TMEM232: variants seen among roughly 807,000 people sequenced by gnomAD.
The protein encoded by TMEM232 is transmembrane protein 232.
Under a neutral mutation model 78.8 loss-of-function variants are expected in TMEM232, and 80 were observed. The observed-to-expected ratio is 1.01, with a 90% CI of 0.85 to 1.22. The LOEUF (loss-of-function observed/expected upper bound fraction) is 1.22. TMEM232 is among the 50% of genes most tolerant of loss of function. TMEM232 has a pLI of 0.00. For missense variants in TMEM232, 881 were observed against 742.2 expected, an observed-to-expected ratio of 1.19 and a Z score of -2.17; for synonymous variants, 297 against 254.3, an observed-to-expected ratio of 1.17 and a Z score of -1.60.
At chr5:110,424,557 T>C (rs1349548373) in intron 13 of TMEM232, among the ~76,000 whole-genome samples, 1 of 152,178 alleles carries the variant, frequency 6.6e-6, no homozygotes, top group African/African-American at 2.4e-5. Flanking sequence ...CAATATAAGA[T>C]TCTTGTCACA....
chr5:110,733,307 C>T (rs972052979), intron 2 of TMEM232, among the ~76,000 whole-genome samples: 30 of 152,272 alleles, frequency 2.0e-4, no homozygotes, highest in African/African-American at 7.2e-4. Flanking sequence ...GAGCCAAAAT[C>T]AGAACTACCA....
chr5:110,441,735 T>C (rs1759065428), intron 12 of TMEM232, among the ~76,000 whole-genome samples: 1 of 152,204 alleles, frequency 6.6e-6, no homozygotes, highest in East Asian at 1.9e-4. Context: ...AGGATGGACT[T>C]TGGCTAACAG....
chr5:110,407,705 C>A (rs1448660493), intron 2 of TMEM232, among the ~76,000 whole-genome samples: 1 of 152,140 alleles, frequency 6.6e-6, no homozygotes, highest in East Asian at 1.9e-4. Context: ...ACACTTCATG[C>A]AACTGCTGCA....
chr5:110,630,901 C>T (rs1463256613), intron 5 of TMEM232, among the ~76,000 whole-genome samples: 1 of 152,030 alleles, frequency 6.6e-6, no homozygotes, highest in Middle Eastern at 3.2e-3. Context: ...CACATATTTC[C>T]TGACACTAAC....
chr5:110,436,147 ATT>A (rs1758409403), intron 12 of TMEM232, among the ~76,000 whole-genome samples: 1 of 151,916 alleles, frequency 6.6e-6, no homozygotes, highest in Admixed American at 6.6e-5. Context: ...GATAAAAGCC[ATT>A]TTAACTGGAG....
At chr5:110,707,874 C>A (rs994073150) in intron 1 of TMEM232, among the ~76,000 whole-genome samples, 10 of 152,142 alleles carry the variant, frequency 6.6e-5, no homozygotes, top group Admixed American at 3.9e-4. Flanking sequence ...CTGTTCCAGA[C>A]CCCAGCTTAT....
chr5:110,528,598 A>G lies in TMEM232; in HGVS notation c.1693T>C (p.Phe565Leu). The part of the protein sequence containing the change: ...LESVKKQVLH[F>L]TVREHPSVSE... ...AGTACTTCTCTTTACCTTACAGTGA[A>G]ATGTAGAACTTGCTTTTTCACAGAC... is the stretch of plus-strand genomic sequence containing the variant. The change falls in exon 12 of 14, where the codon TTC becomes CTC. Residue 565 changes from phenylalanine to leucine, a missense_variant. Physicochemically the swap from Phe to Leu is conservative, Grantham distance 22. Transcript: ENST00000455884. 6.5e-7 allele frequency: 1 copy of G among 1,529,954 alleles called. No homozygotes were observed. The highest frequency in any genetic ancestry group is 1.7e-4 in the Middle Eastern group (1 of 5,926). 94.8% of individuals were successfully genotyped at this position (1,529,954 alleles called of 1,614,324 possible).
intron 3 of TMEM232, among the ~76,000 whole-genome samples, chr5:110,641,783 CTTACT>C (rs1406457249): frequency 6.6e-6 from 1 of 152,100 alleles, no homozygotes; most frequent in Non-Finnish European, 1.5e-5. Flanking sequence ...AAAGCAAGGA[CTTACT>C]TTACTTCCTG....
intron 1 of TMEM232, among the ~76,000 whole-genome samples, chr5:110,722,269 C>T (rs112797250): frequency 5.3e-5 from 8 of 152,236 alleles, no homozygotes; most frequent in African/African-American, 1.9e-4. Context: ...AAACTCACTG[C>T]CATTTATTAT....
intron 12 of TMEM232, among the ~76,000 whole-genome samples, chr5:110,497,271 A>G (rs1209458570): frequency 6.6e-6 from 1 of 152,254 alleles, no homozygotes; most frequent in East Asian, 1.9e-4. Context: ...ATAAAATTAC[A>G]TGATAAAATG....
chr5:110,494,516 C>T (rs1026114978), intron 12 of TMEM232, among the ~76,000 whole-genome samples: 1 of 151,972 alleles, frequency 6.6e-6, no homozygotes, highest in Non-Finnish European at 1.5e-5. Context: ...ATCAATACAA[C>T]CATTCAGAGT....
intron 12 of TMEM232, chr5:110,429,996 T>C (rs996016498): frequency 6.6e-6 from 1 of 151,758 alleles, no homozygotes; most frequent in Non-Finnish European, 1.5e-5. Flanking sequence ...AAGAAGTCCA[T>C]GATATAGACA....
chr5:110,453,209 A>ATCTGT (rs1561513667), intron 12 of TMEM232, among the ~76,000 whole-genome samples: 1 of 152,150 alleles, frequency 6.6e-6, no homozygotes, highest in Non-Finnish European at 1.5e-5. Flanking sequence ...GTTCCCTGTA[A>ATCTGT]TCTGTTACCA....
At chr5:110,692,065 C>T (rs1229312816) in intron 1 of TMEM232, among the ~76,000 whole-genome samples, 8 of 152,170 alleles carry the variant, frequency 5.3e-5, no homozygotes, top group South Asian at 4.1e-4. Flanking sequence ...GGACTACAGG[C>T]GCCCGCCACC....
chr5:110,422,868 T>C (rs1221476202), intron 13 of TMEM232, among the ~76,000 whole-genome samples: 1 of 152,196 alleles, frequency 6.6e-6, no homozygotes, highest in Admixed American at 6.5e-5. Flanking sequence ...ACCATTATTA[T>C]TGTCTATTGT....
intron 1 of TMEM232, among the ~76,000 whole-genome samples, chr5:110,683,688 AC>A (rs1793040913): frequency 6.6e-6 from 1 of 151,858 alleles, no homozygotes; most frequent in Admixed American, 6.6e-5. Flanking sequence ...TATATTCTAT[AC>A]AAAAATATAT....
chr5:110,531,542 A>T (rs139956787), intron 11 of TMEM232, among the ~76,000 whole-genome samples: 221 of 152,204 alleles, frequency 1.5e-3, no homozygotes, highest in African/African-American at 5.2e-3. Flanking sequence ...TCGCCTTTCA[A>T]TCTTGGCGCC....
intron 4 of TMEM232, among the ~76,000 whole-genome samples, chr5:110,389,359 C>T (rs770607625): frequency 2.6e-5 from 4 of 152,066 alleles, no homozygotes; most frequent in Non-Finnish European, 5.9e-5. Flanking sequence ...TTTAAGAAAC[C>T]TAGGAGGCTG....
chr5:110,393,192 G>A (rs1013437348), intron 3 of TMEM232, among the ~76,000 whole-genome samples: 15 of 152,264 alleles, frequency 9.9e-5, no homozygotes, highest in Admixed American at 9.2e-4. Flanking sequence ...TGATAGTATT[G>A]TTCAAGTCTT....
Sources: gnomAD v4.1 joint callset for allele counts (sites outside exome capture counted in the v4.1 genomes callset) on GRCh38, gnomAD v4.1.1 for gene constraint, MANE v1.5 for transcripts, NCBI Gene and HGNC (gene_info 2026-07-23, HGNC 2026-07-21) for gene names.